PDZRN4: variants seen among roughly 807,000 people sequenced by gnomAD.
PDZRN4 encodes PDZ domain-containing RING finger protein 4.
A neutral mutation model predicts 99.0 loss-of-function variants in PDZRN4; 70 were observed. That is an observed-to-expected ratio of 0.71 (90% CI 0.58 to 0.86). PDZRN4 has a LOEUF of 0.86. Ranked by LOEUF, PDZRN4 falls within the 40% of genes least tolerant of loss-of-function variation. The pLI, the probability that PDZRN4 is intolerant of heterozygous loss-of-function variation, is 0.00. For missense variants in PDZRN4, 1,474 were observed against 1,331.2 expected, an observed-to-expected ratio of 1.11 and a Z score of -1.67; for synonymous variants, 551 against 501.6, an observed-to-expected ratio of 1.10 and a Z score of -1.32.
intron 5 of PDZRN4, among the ~76,000 whole-genome samples, chr12:41,521,461 TAA>T (rs925311991): frequency 3.3e-5 from 5 of 152,136 alleles, no homozygotes; most frequent in Non-Finnish European, 5.9e-5. Context: ...CAAGGCACAA[TAA>T]GAGATATTAG....
At chr12:41,514,411 G>T (rs187146477) in intron 5 of PDZRN4, among the ~76,000 whole-genome samples, 17 of 151,798 alleles carry the variant, frequency 1.1e-4, no homozygotes, top group Admixed American at 1.1e-3. Flanking sequence ...CATGAATCAG[G>T]GAAATTTTCA....
chr12:41,283,034 C>T (rs931055348), intron 3 of PDZRN4, among the ~76,000 whole-genome samples: 9 of 151,282 alleles, frequency 5.9e-5, no homozygotes, highest in South Asian at 2.1e-4. Context: ...ACAATTGAAC[C>T]GAAGGAGATA....
At chr12:41,300,516 A>G (rs569731359) in intron 3 of PDZRN4, among the ~76,000 whole-genome samples, 35 of 151,982 alleles carry the variant, frequency 2.3e-4, no homozygotes, top group Non-Finnish European at 4.7e-4. Context: ...CCCAATTAAA[A>G]TCAAACACAT....
chr12:41,254,661 G>A (rs185040880), intron 3 of PDZRN4, among the ~76,000 whole-genome samples: 1 of 152,368 alleles, frequency 6.6e-6, no homozygotes, highest in East Asian at 1.9e-4. Context: ...GCAGTCCCAA[G>A]TCTGAAGATG....
intron 3 of PDZRN4, among the ~76,000 whole-genome samples, chr12:41,389,778 C>A (rs549509120): frequency 3.3e-5 from 5 of 152,324 alleles, no homozygotes; most frequent in African/African-American, 1.2e-4. Flanking sequence ...TATTGCCCTT[C>A]GTGCTGGGCA....
intron 3 of PDZRN4, chr12:41,411,742 C>A (rs1952401450): frequency 6.6e-6 from 1 of 152,184 alleles, no homozygotes; most frequent in Admixed American, 6.5e-5. Flanking sequence ...CTAGTTAATT[C>A]TTTACAAGGC....
chr12:41,366,387 A>G (rs933376898), intron 3 of PDZRN4, among the ~76,000 whole-genome samples: 2 of 152,100 alleles, frequency 1.3e-5, no homozygotes, highest in African/African-American at 4.8e-5. Flanking sequence ...AAAAACTCCA[A>G]TCTATTCACT....
Position 41,264,844 on chromosome 12 carries a change from A to G in PDZRN4, c.843+70656A>G, listed in dbSNP as rs944131842. ...TGGAGCCATTATCTTAAGTGAATTA[A>G]CGCTGAAACAGAAAATCAAATACCA... On this transcript the variant is annotated intron_variant, in intron 3 of 9. Transcript: ENST00000402685. 2.0e-5 allele frequency among the ~76,000 whole-genome samples: 3 copies of G among 152,300 alleles called. No homozygotes were observed. In the East Asian group the frequency reaches 5.8e-4, roughly 29 times the overall value.
At chr12:41,231,311 C>G (rs147192167) in intron 3 of PDZRN4, among the ~76,000 whole-genome samples, 12 of 152,014 alleles carry the variant, frequency 7.9e-5, no homozygotes, top group Non-Finnish European at 1.5e-4. Flanking sequence ...TGTTAACATG[C>G]CTTTGTGCCA....
chr12:41,388,230 C>T (rs957852473), intron 3 of PDZRN4, among the ~76,000 whole-genome samples: 1 of 152,094 alleles, frequency 6.6e-6, no homozygotes, highest in Non-Finnish European at 1.5e-5. Context: ...GGGAACAACA[C>T]ACGCTGGGGC....
intron 3 of PDZRN4, among the ~76,000 whole-genome samples, chr12:41,370,295 T>A (rs1952031591): frequency 6.6e-6 from 1 of 151,958 alleles, no homozygotes; most frequent in South Asian, 2.1e-4. Context: ...TTGCATTTTG[T>A]TTTTCATACT....
rs562358992 is a variant in PDZRN4 at position 41,477,475 on chromosome 12, T to A, written c.844-28981T>A. Among the ~76,000 whole-genome samples, 3 of 152,336 alleles carry A rather than the reference T, an allele frequency of 2.0e-5. No homozygotes were observed. In the East Asian group the frequency reaches 5.8e-4, roughly 29 times the overall value. On this transcript the variant is annotated intron_variant, in intron 3 of 9. Transcript: ENST00000402685. Reference sequence around the variant, plus strand: ...TGTCTAGAAAAGAGGTTGGCACATGTCTGTTAAGGACAGCCGAAAAGGATG... The same window carrying A: ...TGTCTAGAAAAGAGGTTGGCACATGACTGTTAAGGACAGCCGAAAAGGATG...
rs192168136 is a variant in PDZRN4, at chr12:41,479,178, A to G, written c.844-27278A>G. ...AGATACAGTAGGGGACAGATAAAAG[A>G]ATGTAATCATATCCTGACTTGGATG... On this transcript the variant is annotated intron_variant, in intron 3 of 9. Coordinates refer to ENST00000402685, the MANE Select transcript of PDZRN4 (RefSeq NM_001164595.2). 2.8e-3 allele frequency among the ~76,000 whole-genome samples: 434 copies of G among 152,334 alleles called. 14 individuals carry two copies. Among genetic ancestry groups the G allele is most frequent in the Admixed American group, 0.028 (423 of 15,304 alleles).
intron 3 of PDZRN4, among the ~76,000 whole-genome samples, chr12:41,217,525 A>T (rs1305148942): frequency 6.6e-6 from 1 of 152,100 alleles, no homozygotes; most frequent in African/African-American, 2.4e-5. Context: ...CAGGTTTCAG[A>T]GATCCAATTA....
intron 3 of PDZRN4, among the ~76,000 whole-genome samples, chr12:41,307,281 G>A (rs548216504): frequency 6.6e-6 from 1 of 151,588 alleles, no homozygotes; most frequent in Non-Finnish European, 1.5e-5. Context: ...TGACAGCATG[G>A]TTGAGTTCTG....
intron 3 of PDZRN4, among the ~76,000 whole-genome samples, chr12:41,421,561 C>T (rs577708826): frequency 2.0e-5 from 3 of 152,266 alleles, no homozygotes; most frequent in African/African-American, 7.2e-5. Flanking sequence ...TACATGGAAA[C>T]CTTTAGTAGC....
intron 3 of PDZRN4, among the ~76,000 whole-genome samples, chr12:41,484,727 G>A (rs540456858): frequency 1.3e-4 from 20 of 152,250 alleles, no homozygotes; most frequent in African/African-American, 4.6e-4. Context: ...ACTTAACAGT[G>A]TATCTTTGGG....
intron 3 of PDZRN4, among the ~76,000 whole-genome samples, chr12:41,387,601 CAAA>C (rs1333600533): frequency 1.3e-5 from 2 of 151,896 alleles, no homozygotes; most frequent in Non-Finnish European, 2.9e-5. Context: ...ACAACAACAA[CAAA>C]AAAATGGGCA....
At chr12:41,335,476 T>C (rs1951766556) in intron 3 of PDZRN4, among the ~76,000 whole-genome samples, 1 of 152,120 alleles carries the variant, frequency 6.6e-6, no homozygotes, top group South Asian at 2.1e-4. Context: ...GCAATAACTC[T>C]TAGCTACGTT....
Sources: gnomAD v4.1 joint callset for allele counts (sites outside exome capture counted in the v4.1 genomes callset) on GRCh38, gnomAD v4.1.1 for gene constraint, MANE v1.5 for transcripts, NCBI Gene and HGNC (gene_info 2026-07-23, HGNC 2026-07-21) for gene names.